The following WDR7 variants were observed in gnomAD, a reference collection of about 807,000 sequenced individuals.
WDR7 encodes the protein WD repeat-containing protein 7.
Under a neutral mutation model 169.4 loss-of-function variants are expected in WDR7, and 46 were observed. The observed-to-expected ratio is 0.27, with a 90% CI of 0.21 to 0.35. The LOEUF is 0.35. Ranked by LOEUF, WDR7 falls within the 10% of genes least tolerant of loss-of-function variation. The probability of loss-of-function intolerance (pLI) is 1.00; values close to 1 mark genes in which losing one functional copy is unlikely to be tolerated. For synonymous variants in WDR7, 612 were observed against 666.8 expected, an observed-to-expected ratio of 0.92 and a Z score of 1.27; for missense variants, 1,534 against 1,859.3, an observed-to-expected ratio of 0.83 and a Z score of 3.22.
At chr18:56,747,823 T>C (rs2043729172) in intron 14 of WDR7, among the ~76,000 whole-genome samples, 1 of 150,950 alleles carries the variant, frequency 6.6e-6, no homozygotes, top group African/African-American at 2.4e-5. Flanking sequence ...TCAAAATAGC[T>C]TAGAATCTAC....
At chr18:56,700,875 A>G (rs2144665813) in intron 12 of WDR7, among the ~76,000 whole-genome samples, 1 of 152,300 alleles carries the variant, frequency 6.6e-6, no homozygotes, top group East Asian at 1.9e-4. Flanking sequence ...AAAAAGCAAA[A>G]GTTCATTTAG....
chr18:56,849,744 C>T (rs942404478), intron 20 of WDR7, among the ~76,000 whole-genome samples: 1 of 151,916 alleles, frequency 6.6e-6, no homozygotes, highest in African/African-American at 2.4e-5. Context: ...TTTCCAATAG[C>T]TTTTTTAAAA....
chr18:57,002,125 A>G (rs987203780), intron 26 of WDR7, among the ~76,000 whole-genome samples: 4 of 152,148 alleles, frequency 2.6e-5, no homozygotes, highest in Admixed American at 1.3e-4. Flanking sequence ...TTTTAAATAA[A>G]AGGAAAAATT....
chr18:56,770,793 A>G (rs2044142522), intron 16 of WDR7, among the ~76,000 whole-genome samples: 2 of 151,530 alleles, frequency 1.3e-5, no homozygotes, highest in Admixed American at 6.6e-5. Flanking sequence ...TGTTTTAAGG[A>G]TATCCTTTTT....
At chr18:56,674,293 A>G (rs937058631) in intron 2 of WDR7, among the ~76,000 whole-genome samples, 1 of 152,168 alleles carries the variant, frequency 6.6e-6, no homozygotes, top group African/African-American at 2.4e-5. Context: ...ATCCTTGTCA[A>G]TCAATAGCTG....
chr18:56,729,841 G>A (rs373738072), intron 13 of WDR7, among the ~76,000 whole-genome samples: 4 of 152,124 alleles, frequency 2.6e-5, no homozygotes, highest in African/African-American at 9.7e-5. Flanking sequence ...TACTAAAAGT[G>A]TATTACCAGT....
At chr18:56,696,160 TA>T in intron 11 of WDR7, 81 bp from the exon 12 acceptor site, 1 of 1,175,216 alleles carries the variant, frequency 8.5e-7, no homozygotes, top group Non-Finnish European at 1.2e-6. Flanking sequence ...GTAGCTATTC[TA>T]AACATTCATG....
At chr18:56,773,362 A>G (rs1599032774) in intron 16 of WDR7, among the ~76,000 whole-genome samples, 1 of 151,826 alleles carries the variant, frequency 6.6e-6, no homozygotes, top group Non-Finnish European at 1.5e-5. Context: ...TTTATCATTC[A>G]TTACTAATGT....
chr18:56,932,832 TC>T (rs1399554816), intron 22 of WDR7, among the ~76,000 whole-genome samples: 3 of 152,002 alleles, frequency 2.0e-5, no homozygotes, highest in Non-Finnish European at 2.9e-5. Flanking sequence ...AACTGACCAC[TC>T]CCACACTCAA....
chr18:56,740,208 T>C (rs1365719029), intron 14 of WDR7, among the ~76,000 whole-genome samples: 1 of 152,124 alleles, frequency 6.6e-6, no homozygotes, highest in Non-Finnish European at 1.5e-5. Context: ...ATACTTTTAA[T>C]TATTATTACT....
intron 21 of WDR7, among the ~76,000 whole-genome samples, chr18:56,886,633 C>T (rs1448018165): frequency 2.6e-5 from 4 of 152,174 alleles, no homozygotes; most frequent in African/African-American, 4.8e-5. Flanking sequence ...TCAGTACTAA[C>T]ATTGAATGTA....
chr18:56,768,399 G>C (rs1385208708), intron 16 of WDR7, among the ~76,000 whole-genome samples: 2 of 152,152 alleles, frequency 1.3e-5, no homozygotes, highest in African/African-American at 4.8e-5. Context: ...ATACCATTAT[G>C]AAGCTCACTT....
chr18:56,706,988 A>AT (rs11381699), intron 12 of WDR7, among the ~76,000 whole-genome samples: 131,842 of 144,664 alleles, frequency 0.91, 60,896 homozygotes, highest in East Asian at 0.99. Context: ...CCAAATTTTT[A>AT]TTTTTTTTTT....
At chr18:56,705,928 G>T (rs753855154) in intron 12 of WDR7, among the ~76,000 whole-genome samples, 1 of 152,206 alleles carries the variant, frequency 6.6e-6, no homozygotes, top group African/African-American at 2.4e-5. Context: ...AACCTGGGAG[G>T]TGGAGGTTGC....
chr18:56,823,341 G>A (rs916963888), intron 20 of WDR7, among the ~76,000 whole-genome samples: 1 of 152,204 alleles, frequency 6.6e-6, no homozygotes, highest in Non-Finnish European at 1.5e-5. Flanking sequence ...ACTTTGGGAG[G>A]CCGAGGCCTG....
chr18:56,944,817 C>A (rs367793900), intron 25 of WDR7, among the ~76,000 whole-genome samples: 2 of 152,040 alleles, frequency 1.3e-5, no homozygotes, highest in East Asian at 3.8e-4. Flanking sequence ...TCATTTATAT[C>A]GCACTTTGCA....
Position 56,910,285 on chromosome 18 carries a change from G to A in WDR7, c.3527-13637G>A, listed in dbSNP as rs187547188. Among the ~76,000 whole-genome samples the A allele has an allele frequency of 2.5e-3, 380 of 152,272 alleles. 13 individuals are homozygous for A. The highest frequency in any genetic ancestry group is 0.024 in the Admixed American group (373 of 15,284). On this transcript the variant is annotated intron_variant, in intron 21 of 27. Transcript: ENST00000254442. Reference sequence around the variant, plus strand: ...AATATTTCCTGATAATGTAATCTCAGTCTGTCATATATGTTAGTAGCTTCT... The same window carrying A: ...AATATTTCCTGATAATGTAATCTCAATCTGTCATATATGTTAGTAGCTTCT...
At chr18:56,882,399 A>G (rs2046121452) in intron 21 of WDR7, among the ~76,000 whole-genome samples, 1 of 152,242 alleles carries the variant, frequency 6.6e-6, no homozygotes, top group Non-Finnish European at 1.5e-5. Context: ...TGCACATTTT[A>G]TGTTGACAGC....
chr18:56,818,308 A>G (rs1315921096), intron 20 of WDR7, among the ~76,000 whole-genome samples: 2 of 152,264 alleles, frequency 1.3e-5, no homozygotes, highest in Non-Finnish European at 2.9e-5. Flanking sequence ...TGAATTATGC[A>G]CTACCAAAGT....
Sources: allele counts gnomAD v4.1 joint callset (sites outside exome capture counted in the v4.1 genomes callset), GRCh38; gene constraint gnomAD v4.1.1; transcripts MANE v1.5; gene names NCBI Gene and HGNC (gene_info 2026-07-23, HGNC 2026-07-21).